STOX1: variants seen among roughly 807,000 people sequenced by gnomAD.
The protein encoded by STOX1 is storkhead-box protein 1.
STOX1 carries 57 observed loss-of-function variants against 74.8 expected under a neutral mutation model. That is an observed-to-expected ratio of 0.76 (90% CI 0.62 to 0.95). STOX1 has a LOEUF of 0.95. STOX1 is among the 40% of genes least tolerant of loss of function. The pLI, the probability that STOX1 is intolerant of heterozygous loss-of-function variation, is 0.00. For missense variants in STOX1, 1,010 were observed against 1,117.0 expected (o/e 0.90, Z 1.37); for synonymous variants, 375 against 401.3 (o/e 0.93, Z 0.78).
At chr10:68,844,952 A>G (rs1427807724) in intron 1 of STOX1, among the ~76,000 whole-genome samples, 5 of 151,624 alleles carry the variant, frequency 3.3e-5, no homozygotes, top group African/African-American at 1.2e-4. Context: ...TAGTAGAGAC[A>G]GAGTTTTGAC....
At chr10:68,866,995 G>C (rs567763300) in intron 1 of STOX1, among the ~76,000 whole-genome samples, 20 of 150,372 alleles carry the variant, frequency 1.3e-4, no homozygotes, top group African/African-American at 4.7e-4. Context: ...ACCCAGGCTG[G>C]AGTGCAGTGG....
intron 1 of STOX1, among the ~76,000 whole-genome samples, chr10:68,862,263 G>A (rs1376816147): frequency 6.6e-6 from 1 of 151,804 alleles, no homozygotes. Context: ...TATGTACAGA[G>A]GGAGAGGCTT....
chr10:68,884,576 T>A lies in STOX1; in HGVS notation c.780T>A (p.Val260=), dbSNP rs577636804. 1.9e-6 allele frequency: 3 copies of A among 1,613,830 alleles called. No individual in the cohort carries two copies. The African/African-American group carries it at 4.0e-5, about 22-fold the overall frequency. Residue 260 remains valine, a synonymous_variant, in exon 3 of 4, where the codon GTT becomes GTA. Transcript: ENST00000298596. ...CTCAGGATGTTCAGGAAGCACCAGT[T>A]GCTGCAGAAGTGACTAGGAAGAGTC... ...MHTQDVQEAP[V]AAEVTRKSHR... is the part of the protein sequence containing the mutation.
intron 1 of STOX1, among the ~76,000 whole-genome samples, chr10:68,835,999 G>A (rs1172176287): frequency 2.0e-5 from 3 of 152,122 alleles, no homozygotes; most frequent in African/African-American, 4.8e-5. Flanking sequence ...AGCCTCCTAA[G>A]TAGCTGGGAT....
At chr10:68,846,397 G>T (rs1228100274) in intron 1 of STOX1, among the ~76,000 whole-genome samples, 1 of 152,008 alleles carries the variant, frequency 6.6e-6, no homozygotes, top group African/African-American at 2.4e-5. Context: ...TGATCCACCT[G>T]CCCCGGCCCC....
intron 1 of STOX1, among the ~76,000 whole-genome samples, chr10:68,861,118 C>T (rs934388618): frequency 6.6e-6 from 1 of 152,010 alleles, no homozygotes; most frequent in South Asian, 2.1e-4. Context: ...GTCATGGAGA[C>T]CCCAACCCAG....
At chr10:68,890,755 A>T (rs1841080469) in intron 3 of STOX1, among the ~76,000 whole-genome samples, 1 of 146,022 alleles carries the variant, frequency 6.8e-6, no homozygotes, top group Non-Finnish European at 1.5e-5. Context: ...GGTTCAATTG[A>T]TTCTCCTGCC....
At chr10:68,873,578 T>TA (rs1840595575) in intron 1 of STOX1, among the ~76,000 whole-genome samples, 2 of 148,988 alleles carry the variant, frequency 1.3e-5, no homozygotes, top group Admixed American at 6.7e-5. Context: ...TTTTTTTTTT[T>TA]AATCCTGAGT....
chr10:68,865,378 A>G (rs1163183), intron 1 of STOX1, among the ~76,000 whole-genome samples: 142,976 of 152,304 alleles, frequency 0.94, 67,170 homozygotes, highest in East Asian at 0.99. Context: ...GGCCGGGCGC[A>G]GTGGCTCACG....
chr10:68,843,540 T>TTTG (rs944406696), intron 1 of STOX1, among the ~76,000 whole-genome samples: 5 of 151,874 alleles, frequency 3.3e-5, no homozygotes, highest in South Asian at 2.1e-4. Context: ...TACCGGTTTT[T>TTTG]TTGTTGTTGT....
chr10:68,875,379 TAC>T (rs1345770747), intron 1 of STOX1, among the ~76,000 whole-genome samples: 1 of 152,232 alleles, frequency 6.6e-6, no homozygotes, highest in African/African-American at 2.4e-5. Flanking sequence ...ATCTTTCCAG[TAC>T]CACAGTTCTT....
chr10:68,846,119 T>TTTATTATTTTTATTA (rs1554827715), intron 1 of STOX1, among the ~76,000 whole-genome samples: 10 of 135,846 alleles, frequency 7.4e-5, no homozygotes, highest in African/African-American at 2.6e-4. Flanking sequence ...GCTTGAGGTT[T>TTTATTATTTTTATTA]TTATTATTAT....
chr10:68,856,958 T>C (rs184097140), intron 1 of STOX1, among the ~76,000 whole-genome samples: 3 of 152,102 alleles, frequency 2.0e-5, no homozygotes, highest in Admixed American at 6.5e-5. Context: ...CCCATAGATA[T>C]TGCTCCAATC....
downstream of STOX1, among the ~76,000 whole-genome samples, chr10:68,894,872 T>A (rs1841165824): frequency 6.6e-6 from 1 of 152,134 alleles, no homozygotes; most frequent in Non-Finnish European, 1.5e-5. Context: ...ACTACAGGCG[T>A]AAGCCACCAG....
At chr10:68,880,973 C>T (rs1470651396) in intron 1 of STOX1, among the ~76,000 whole-genome samples, 1 of 152,170 alleles carries the variant, frequency 6.6e-6, no homozygotes, top group Non-Finnish European at 1.5e-5. Flanking sequence ...GGATTACAGT[C>T]CTGAGCCACC....
chr10:68,875,911 A>G (rs1225838128), intron 1 of STOX1, among the ~76,000 whole-genome samples: 2 of 152,156 alleles, frequency 1.3e-5, no homozygotes, highest in East Asian at 3.8e-4. Flanking sequence ...CTGGATGAAA[A>G]GCTTTTGATA....
intron 1 of STOX1, among the ~76,000 whole-genome samples, chr10:68,860,109 G>A (rs1277114842): frequency 6.6e-6 from 1 of 151,884 alleles, no homozygotes; most frequent in East Asian, 1.9e-4. Context: ...GGCCAACATG[G>A]TGAAACCCCA....
At chr10:68,862,304 A>C (rs1001342384) in intron 1 of STOX1, among the ~76,000 whole-genome samples, 2 of 151,990 alleles carry the variant, frequency 1.3e-5, no homozygotes, top group African/African-American at 4.8e-5. Flanking sequence ...ACTGGTAACC[A>C]TACTCCTTGA....
intron 1 of STOX1, among the ~76,000 whole-genome samples, chr10:68,867,866 C>T (rs887888527): frequency 1.3e-5 from 2 of 152,272 alleles, no homozygotes; most frequent in Non-Finnish European, 1.5e-5. Flanking sequence ...TATTTCTCTA[C>T]CGCACTAAAA....
Sources: allele counts gnomAD v4.1 joint callset (sites outside exome capture counted in the v4.1 genomes callset), GRCh38; gene constraint gnomAD v4.1.1; transcripts MANE v1.5; gene names NCBI Gene and HGNC (gene_info 2026-07-23, HGNC 2026-07-21).